ARB2A: variants seen among roughly 807,000 people sequenced by gnomAD.
The protein encoded by ARB2A is cotranscriptional regulator ARB2A.
At chr5:93,826,379 G>C in the ARB2A span, among the ~76,000 whole-genome samples, 1 of 152,042 alleles carries the variant, frequency 6.6e-6, no homozygotes, top group Non-Finnish European at 1.5e-5. Flanking sequence ...GGCATCACTT[G>C]CCATCTAGAA....
At chr5:93,863,848 C>A in the ARB2A span, 1 of 151,860 alleles carries the variant, frequency 6.6e-6, no homozygotes, top group Non-Finnish European at 1.5e-5. Flanking sequence ...TAAATATTTT[C>A]TTTAAAATTT....
At chr5:93,886,540 G>A in the ARB2A span, among the ~76,000 whole-genome samples, 3 of 151,766 alleles carry the variant, frequency 2.0e-5, no homozygotes, top group East Asian at 1.9e-4. Context: ...TCTGAAAGAT[G>A]TATGTTGTAT....
At chr5:93,898,077 G>C in the ARB2A span, among the ~76,000 whole-genome samples, 5 of 151,928 alleles carry the variant, frequency 3.3e-5, no homozygotes, top group African/African-American at 1.2e-4. Context: ...GTCCTCCAAA[G>C]ATGAACACCC....
chr5:93,992,317 G>C, the ARB2A span, among the ~76,000 whole-genome samples: 133 of 152,120 alleles, frequency 8.7e-4, no homozygotes, highest in Non-Finnish European at 6.9e-4. Flanking sequence ...CAGATATAGA[G>C]AGAAGTAGAA....
At chr5:93,878,392 G>A in the ARB2A span, among the ~76,000 whole-genome samples, 2 of 151,940 alleles carry the variant, frequency 1.3e-5, no homozygotes, top group African/African-American at 4.8e-5. Flanking sequence ...CTTATATTAA[G>A]AGCTATGTGA....
chr5:94,055,115 G>T, the ARB2A span, among the ~76,000 whole-genome samples: 7 of 152,058 alleles, frequency 4.6e-5, no homozygotes, highest in African/African-American at 1.7e-4. Context: ...CTCACTATCT[G>T]TCATCACAGA....
chr5:93,952,726 G>T, the ARB2A span, among the ~76,000 whole-genome samples: 2 of 152,082 alleles, frequency 1.3e-5, no homozygotes, highest in Non-Finnish European at 2.9e-5. Context: ...GGTCTCAGAA[G>T]TTCTCTGTTA....
the ARB2A span, among the ~76,000 whole-genome samples, chr5:94,038,080 T>C: frequency 6.6e-6 from 1 of 152,054 alleles, no homozygotes; most frequent in East Asian, 1.9e-4. Context: ...TTTCAAGATA[T>C]ATATCAAAGA....
the ARB2A span, among the ~76,000 whole-genome samples, chr5:93,793,273 A>G: frequency 2.7e-4 from 15 of 55,790 alleles, no homozygotes. Flanking sequence ...TGGTAGAAAC[A>G]AGGGCTTACT....
chr5:93,619,184 G>C, the ARB2A span: 1 of 152,258 alleles, frequency 6.6e-6, no homozygotes, highest in East Asian at 1.9e-4. Context: ...GTAATGATTG[G>C]ATAAAAAGGG....
chr5:93,795,353 G>A, the ARB2A span, among the ~76,000 whole-genome samples: 2 of 152,166 alleles, frequency 1.3e-5, no homozygotes, highest in South Asian at 4.1e-4. Flanking sequence ...CGGTGACCAG[G>A]GCTGAGAACT....
chr5:93,743,812 G>A, the ARB2A span, among the ~76,000 whole-genome samples: 4 of 151,972 alleles, frequency 2.6e-5, no homozygotes, highest in Admixed American at 6.5e-5. Context: ...GATTACAGGC[G>A]CCTGCCACCA....
chr5:93,628,137 G>A, the ARB2A span, among the ~76,000 whole-genome samples: 8 of 127,724 alleles, frequency 6.3e-5, no homozygotes, highest in Admixed American at 3.0e-4. Context: ...TGCAACCTCC[G>A]CCTCCCAGGT....
At chr5:93,764,128 A>G in the ARB2A span, among the ~76,000 whole-genome samples, 1 of 152,216 alleles carries the variant, frequency 6.6e-6, no homozygotes, top group Non-Finnish European at 1.5e-5. Context: ...CTAATATCAC[A>G]ATTAAAAGAA....
chr5:93,971,624 ATATT>A, the ARB2A span, among the ~76,000 whole-genome samples: 7 of 151,690 alleles, frequency 4.6e-5, no homozygotes, highest in African/African-American at 1.7e-4. Context: ...CAAAAATACA[ATATT>A]TATTCTATCT....
At chr5:93,723,961 T>C in the ARB2A span, among the ~76,000 whole-genome samples, 1 of 152,030 alleles carries the variant, frequency 6.6e-6, no homozygotes, top group Admixed American at 6.6e-5. Context: ...ACCACAGAGA[T>C]TTAGAGCAAG....
the ARB2A span, among the ~76,000 whole-genome samples, chr5:93,693,650 C>T: frequency 6.6e-6 from 1 of 152,194 alleles, no homozygotes; most frequent in South Asian, 2.1e-4. Context: ...TGGTACCATT[C>T]CTTCTGAAAC....
the ARB2A span, among the ~76,000 whole-genome samples, chr5:93,842,307 A>G: frequency 5.5e-4 from 84 of 152,292 alleles, no homozygotes; most frequent in African/African-American, 2.0e-3. Flanking sequence ...TTTATATATC[A>G]TCTATGGTTG....
chr5:93,967,751 C>G, the ARB2A span, among the ~76,000 whole-genome samples: 2 of 152,032 alleles, frequency 1.3e-5, no homozygotes. Flanking sequence ...TTTAACAATG[C>G]CTGCAATAGT....
Sources: gnomAD v4.1 joint callset for allele counts (sites outside exome capture counted in the v4.1 genomes callset) on GRCh38, gnomAD v4.1.1 for gene constraint, MANE v1.5 for transcripts, NCBI Gene and HGNC (gene_info 2026-07-23, HGNC 2026-07-21) for gene names.